Variants in JAZF1 observed in about 807,000 individuals in gnomAD.
JAZF1 encodes the protein JAZF zinc finger 1.
Under a neutral mutation model 26.4 loss-of-function variants are expected in JAZF1, and 8 were observed. The observed-to-expected ratio is 0.30, with a 90% CI of 0.18 to 0.55. The LOEUF (loss-of-function observed/expected upper bound fraction) is 0.55, where lower values mean the gene tolerates loss of function less well. Ranked by LOEUF, JAZF1 falls within the 20% of genes least tolerant of loss-of-function variation. JAZF1 has a pLI of 0.94. For missense variants in JAZF1, 199 were observed against 322.0 expected, an observed-to-expected ratio of 0.62 and a Z score of 2.92; for synonymous variants, 126 against 122.3, an observed-to-expected ratio of 1.03 and a Z score of -0.20.
At chr7:27,974,487 G>T (rs1341057944) in intron 2 of JAZF1, among the ~76,000 whole-genome samples, 3 of 152,210 alleles carry the variant, frequency 2.0e-5, no homozygotes, top group Non-Finnish European at 4.4e-5. Flanking sequence ...AAACTGAACT[G>T]CAGTAAGTTT....
intron 2 of JAZF1, among the ~76,000 whole-genome samples, chr7:27,913,687 G>A (rs1052698842): frequency 6.6e-6 from 1 of 152,160 alleles, no homozygotes; most frequent in African/African-American, 2.4e-5. Context: ...CCTTGCAGAT[G>A]CCTCATTTCT....
chr7:28,017,072 C>T (rs780120736), intron 1 of JAZF1, among the ~76,000 whole-genome samples: 4 of 152,124 alleles, frequency 2.6e-5, no homozygotes, highest in Non-Finnish European at 4.4e-5. Flanking sequence ...ATTATCTGGC[C>T]GGGCCCAATG....
chr7:27,855,910 A>C (rs1436795991), intron 3 of JAZF1, among the ~76,000 whole-genome samples: 2 of 152,216 alleles, frequency 1.3e-5, no homozygotes, highest in Non-Finnish European at 1.5e-5. Flanking sequence ...GACACAACAA[A>C]AAAAGAAAAT....
intron 1 of JAZF1, among the ~76,000 whole-genome samples, chr7:28,137,979 GGTAA>G (rs1390973784): frequency 6.6e-6 from 1 of 152,188 alleles, no homozygotes; most frequent in Non-Finnish European, 1.5e-5. Flanking sequence ...TCACACAGTA[GGTAA>G]GTAAGTGGCA....
chr7:28,164,240 T>C (rs955171456), intron 1 of JAZF1, among the ~76,000 whole-genome samples: 2 of 152,354 alleles, frequency 1.3e-5, no homozygotes, highest in South Asian at 2.1e-4. Context: ...GCAGACCAGA[T>C]AGCATTAATG....
intron 1 of JAZF1, among the ~76,000 whole-genome samples, chr7:28,162,264 T>C (rs1357742040): frequency 1.3e-5 from 2 of 152,208 alleles, no homozygotes; most frequent in Non-Finnish European, 2.9e-5. Context: ...AGCCATGCAA[T>C]TAAGTTCTCA....
chr7:28,139,373 C>T (rs992161041), intron 1 of JAZF1, among the ~76,000 whole-genome samples: 1 of 152,276 alleles, frequency 6.6e-6, no homozygotes, highest in Admixed American at 6.5e-5. Context: ...AAATGTATTT[C>T]ATTTGGAAAA....
At chr7:27,926,361 A>C (rs1261918266) in intron 2 of JAZF1, among the ~76,000 whole-genome samples, 1 of 152,194 alleles carries the variant, frequency 6.6e-6, no homozygotes, top group Non-Finnish European at 1.5e-5. Flanking sequence ...AACACTGTAC[A>C]AGGGAGATGG....
chr7:28,159,635 G>A (rs1244160870), intron 1 of JAZF1, among the ~76,000 whole-genome samples: 1 of 152,130 alleles, frequency 6.6e-6, no homozygotes, highest in Non-Finnish European at 1.5e-5. Flanking sequence ...TGGAGGACGA[G>A]CTCTAGGGTG....
chr7:27,985,339 A>T lies in JAZF1; in HGVS notation c.188+6570T>A, dbSNP rs186271399. On this transcript the variant is annotated intron_variant, in intron 2 of 4. Transcript: ENST00000283928. ...ACTATAAACACCTCTATGCAAATAA[A>T]CTAGAACACCTAGAAGAAATGGATA... Among the ~76,000 whole-genome samples, 404 of 152,332 alleles carry T rather than the reference A, an allele frequency of 2.7e-3. 5 individuals are homozygous for T. The highest frequency in any genetic ancestry group is 9.6e-4 in the Non-Finnish European group (65 of 68,026).
intron 1 of JAZF1, among the ~76,000 whole-genome samples, chr7:28,160,677 C>T (rs928173470): frequency 6.6e-6 from 1 of 152,146 alleles, no homozygotes; most frequent in Non-Finnish European, 1.5e-5. Flanking sequence ...ATGATCTCCA[C>T]CAGCTGTGTT....
intron 3 of JAZF1, among the ~76,000 whole-genome samples, chr7:27,890,129 A>C (rs1161088326): frequency 6.6e-6 from 1 of 152,188 alleles, no homozygotes; most frequent in Non-Finnish European, 1.5e-5. Context: ...AAACTAAGTA[A>C]GATTAATCTG....
chr7:27,975,795 A>G (rs899563451), intron 2 of JAZF1, among the ~76,000 whole-genome samples: 5 of 152,232 alleles, frequency 3.3e-5, no homozygotes, highest in African/African-American at 1.2e-4. Flanking sequence ...ATGAGTGGAC[A>G]TAAAGATTTT....
intron 1 of JAZF1, among the ~76,000 whole-genome samples, chr7:28,001,185 T>A (rs1040207051): frequency 2.0e-5 from 3 of 151,592 alleles, no homozygotes; most frequent in African/African-American, 7.3e-5. Flanking sequence ...AATACTCTAC[T>A]TCTAATAAAA....
intron 2 of JAZF1, among the ~76,000 whole-genome samples, chr7:27,968,678 CT>C (rs1219702071): frequency 3.3e-5 from 5 of 152,156 alleles, no homozygotes; most frequent in African/African-American, 1.2e-4. Flanking sequence ...TAAAAGCATT[CT>C]GGCTTTGAGT....
intron 1 of JAZF1, among the ~76,000 whole-genome samples, chr7:28,151,058 T>C (rs1187370791): frequency 2.0e-5 from 3 of 151,892 alleles, no homozygotes; most frequent in Non-Finnish European, 4.4e-5. Context: ...GGCATCCAAA[T>C]GTTAACAGCA....
chr7:28,125,677 T>C (rs1186958706), intron 1 of JAZF1, among the ~76,000 whole-genome samples: 2 of 152,168 alleles, frequency 1.3e-5, no homozygotes, highest in African/African-American at 2.4e-5. Context: ...GTTGAGGATA[T>C]TCCCTTGGAA....
chr7:27,882,223 T>C (rs955354658), intron 3 of JAZF1, among the ~76,000 whole-genome samples: 3 of 151,836 alleles, frequency 2.0e-5, no homozygotes, highest in Non-Finnish European at 2.9e-5. Context: ...GTCAAATTCA[T>C]ATACAGTTGT....
intron 3 of JAZF1, among the ~76,000 whole-genome samples, chr7:27,853,651 G>T (rs1222876538): frequency 6.6e-6 from 1 of 152,212 alleles, no homozygotes; most frequent in African/African-American, 2.4e-5. Context: ...TCATTCAGGA[G>T]CAGGTTGTTC....
Sources: allele counts gnomAD v4.1 joint callset (sites outside exome capture counted in the v4.1 genomes callset), GRCh38; gene constraint gnomAD v4.1.1; transcripts MANE v1.5; gene names NCBI Gene and HGNC (gene_info 2026-07-23, HGNC 2026-07-21).